Variants in C6orf118 observed in about 807,000 individuals in gnomAD.
The protein encoded by C6orf118 is chromosome 6 open reading frame 118.
A neutral mutation model predicts 50.2 loss-of-function variants in C6orf118; 50 were observed. The observed-to-expected ratio is 1.00, with a 90% CI of 0.79 to 1.26. C6orf118 has a LOEUF of 1.26. C6orf118 is among the 50% of genes most tolerant of loss of function. C6orf118 has a pLI of 0.00. For synonymous variants in C6orf118, 239 were observed against 230.9 expected (o/e 1.03, Z -0.32); for missense variants, 641 against 578.7 (o/e 1.11, Z -1.10).
intron 1 of C6orf118, among the ~76,000 whole-genome samples, chr6:165,308,731 C>T (rs957051458): frequency 6.6e-6 from 1 of 152,196 alleles, no homozygotes; most frequent in South Asian, 2.1e-4. Context: ...GAGGTAGGCG[C>T]CGTCCCATCC....
In C6orf118 at chr6:165,300,371, T is replaced by G. The variant is rs1472394296; in HGVS notation, c.869A>C (p.Lys290Thr). ...AAGATGTATGTTTCTTACCTTAACT[T>G]TTTTCAAGAGATCACCAAATATCAA... ...SSLIFGDLLK[K>T]VKDEYELYMA... Residue 290 changes from lysine (K) to threonine (T), a missense_variant, in exon 3 of 9, where the codon AAA (lysine) becomes ACA (threonine). Physicochemically the swap from Lys to Thr is moderately conservative, Grantham distance 78. Transcript: ENST00000230301. 6.2e-7 allele frequency: 1 copy of G among 1,614,102 alleles called. No homozygotes were observed. Among genetic ancestry groups the G allele is most frequent in the South Asian group, 1.1e-5 (1 of 91,084 alleles).
chr6:165,298,371 C>T (rs151011408), intron 4 of C6orf118, among the ~76,000 whole-genome samples: 8 of 152,186 alleles, frequency 5.3e-5, no homozygotes, highest in African/African-American at 1.4e-4. Context: ...TCCCTGTTGG[C>T]CCGTGTGGGG....
intron 1 of C6orf118, among the ~76,000 whole-genome samples, chr6:165,302,711 G>T (rs1425214018): frequency 2.6e-5 from 4 of 152,100 alleles, no homozygotes; most frequent in African/African-American, 9.7e-5. Flanking sequence ...AAGGGTTTGG[G>T]GGGTATTCTC....
At chr6:165,292,945 G>A (rs79003830) in intron 6 of C6orf118, among the ~76,000 whole-genome samples, 19,865 of 152,132 alleles carry the variant, frequency 0.13, 2,016 homozygotes, top group African/African-American at 0.28. Flanking sequence ...CTGAGAAAAA[G>A]TATCTAAAAA....
At chr6:165,297,417 AAAG>A (rs1391044364) in intron 5 of C6orf118, among the ~76,000 whole-genome samples, 7 of 151,830 alleles carry the variant, frequency 4.6e-5, no homozygotes, top group Admixed American at 1.3e-4. Context: ...AAAAAAAAAA[AAAG>A]AAGAACAAAT....
chr6:165,293,953 TA>T (rs1389098296), intron 5 of C6orf118, among the ~76,000 whole-genome samples: 2 of 151,976 alleles, frequency 1.3e-5, no homozygotes, highest in Non-Finnish European at 2.9e-5. Context: ...AAATTAAAAA[TA>T]AAATACAAGA....
intron 7 of C6orf118, 43 bp downstream of exon 7, chr6:165,289,843 A>G (rs754636643): frequency 3.6e-6 from 5 of 1,397,012 alleles, no homozygotes; most frequent in Non-Finnish European, 4.8e-6. Flanking sequence ...AAGGTCTTCA[A>G]GCAAAAGAAT....
Position 165,300,375 on chromosome 6 carries a change from T to C in C6orf118, c.865A>G (p.Lys289Glu). 1 of 1,614,094 alleles carries C rather than the reference T, an allele frequency of 6.2e-7. No individual in the cohort carries two copies. Residue 289 changes from lysine (K) to glutamate (E), a missense_variant, in exon 3 of 9, where the codon AAA becomes GAA. Physicochemically the swap from Lys to Glu is moderately conservative, Grantham distance 56 (BLOSUM62 1). Coordinates refer to ENST00000230301, the MANE Select transcript of C6orf118 (RefSeq NM_144980.4). ...TGTATGTTTCTTACCTTAACTTTTT[T>C]CAAGAGATCACCAAATATCAAAGAA... ...NSSLIFGDLL[K>E]KVKDEYELYM...
At chr6:165,307,696 CCTA>C (rs1399969441) in intron 1 of C6orf118, among the ~76,000 whole-genome samples, 2 of 152,164 alleles carry the variant, frequency 1.3e-5, no homozygotes, top group Non-Finnish European at 2.9e-5. Flanking sequence ...CTTCTCTGCT[CCTA>C]CCCTAAAGTC....
rs765735391 is a variant in C6orf118, at chr6:165,302,158, T to A, written c.164A>T (p.Asp55Val). The change falls in exon 2 of 9, where the codon GAC (aspartate) becomes GTC (valine). Residue 55 changes from aspartate to valine, a missense_variant. Transcript: ENST00000230301. ...GTGTCCAGAGATGTAGAGGTAGACG[T>A]CCTCCCGGTGGTCTTTCTGAAGCCG... Reference protein sequence around the residue: ...LNRLQKDHREDVYLYISGHLN... With the variant: ...LNRLQKDHREVVYLYISGHLN... 1.2e-6 allele frequency: 2 copies of A among 1,612,650 alleles called. No individual in the cohort carries two copies. The highest frequency in any genetic ancestry group is 3.3e-5 in the Admixed American group (2 of 59,942).
chr6:165,299,643 T>C (rs1392181226), intron 3 of C6orf118, 141 bp from the exon 4 acceptor site: 3 of 627,432 alleles, frequency 4.8e-6, no homozygotes, highest in Non-Finnish European at 8.4e-6. Flanking sequence ...CACAATGCAT[T>C]AAACGGTATA....
chr6:165,306,552 A>AAG (rs1780742343), intron 1 of C6orf118, among the ~76,000 whole-genome samples: 2 of 145,134 alleles, frequency 1.4e-5, no homozygotes, highest in African/African-American at 5.2e-5. Flanking sequence ...AAAAAAAAAA[A>AAG]AAAAAAAAAG....
intron 5 of C6orf118, among the ~76,000 whole-genome samples, chr6:165,293,967 C>T (rs1477326441): frequency 6.6e-6 from 1 of 152,074 alleles, no homozygotes; most frequent in Non-Finnish European, 1.5e-5. Context: ...ATACAAGAGG[C>T]CGGGCATGGT....
intron 7 of C6orf118, among the ~76,000 whole-genome samples, chr6:165,287,670 A>G (rs990614533): frequency 6.6e-6 from 1 of 152,210 alleles, no homozygotes; most frequent in Admixed American, 6.5e-5. Flanking sequence ...CCTGACAAAA[A>G]CAAGCAATGG....
At chr6:165,309,540 A>G (rs1780865931) in intron 1 of C6orf118, 22 bp downstream of exon 1, 2 of 1,614,120 alleles carry the variant, frequency 1.2e-6, no homozygotes, top group Non-Finnish European at 8.5e-7. Context: ...CAAGCCAGCA[A>G]GAGCCGCTCC....
At chr6:165,301,377 G>A (rs982832689) in intron 2 of C6orf118, among the ~76,000 whole-genome samples, 192 bp downstream of exon 2, 2 of 146,220 alleles carry the variant, frequency 1.4e-5, no homozygotes, top group African/African-American at 5.1e-5. Flanking sequence ...ACTGCACCGA[G>A]AACACTGCAC....
intron 7 of C6orf118, among the ~76,000 whole-genome samples, chr6:165,288,262 G>A (rs2322855): frequency 0.68 from 102,863 of 152,036 alleles, 35,115 homozygotes; most frequent in East Asian, 0.79. Context: ...AATGGCAATT[G>A]TTAAAAAGTC....
chr6:165,301,496 C>T, intron 2 of C6orf118, 73 bp downstream of exon 2: 1 of 1,523,072 alleles, frequency 6.6e-7, no homozygotes, highest in Non-Finnish European at 8.8e-7. Context: ...AGAGCTGTGC[C>T]CTGAGAGCAC....
Position 165,301,865 on chromosome 6 carries a change from T to G in C6orf118, c.457A>C (p.Arg153=). ...EEDFLPVEAV[R]EGKEEKKGGP... ...CCTTTCTTTTCTTCCTTCCCCTCTC[T>G]GACAGCCTCCACTGGAAGGAAATCC... The change falls in exon 2 of 9, where the codon AGA becomes CGA. Residue 153 remains arginine (R), a synonymous_variant. Transcript: ENST00000230301. 3.7e-6 allele frequency: 6 copies of G among 1,613,766 alleles called. No homozygotes were observed. The highest frequency in any genetic ancestry group is 5.1e-6 in the Non-Finnish European group (6 of 1,179,968).
Sources: gnomAD v4.1 joint callset for allele counts (sites outside exome capture counted in the v4.1 genomes callset) on GRCh38, gnomAD v4.1.1 for gene constraint, MANE v1.5 for transcripts, NCBI Gene and HGNC (gene_info 2026-07-23, HGNC 2026-07-21) for gene names.